Variants in ARAP2 observed in about 807,000 individuals in gnomAD.
The protein encoded by ARAP2 is ArfGAP with RhoGAP domain, ankyrin repeat and PH domain 2.
ARAP2 carries 148 observed loss-of-function variants against 194.5 expected under a neutral mutation model. The observed-to-expected ratio is 0.76, with a 90% CI of 0.67 to 0.87. ARAP2 has a LOEUF of 0.87. ARAP2 is among the 40% of genes least tolerant of loss of function. The pLI is 0.00. For missense variants in ARAP2, 2,128 were observed against 1,989.7 expected (o/e 1.07, Z -1.32); for synonymous variants, 695 against 683.5 (o/e 1.02, Z -0.26).
chr4:36,147,737 G>A lies in ARAP2; in HGVS notation c.3010C>T (p.Pro1004Ser), dbSNP rs780988048. 6.2e-7 allele frequency: 1 copy of A among 1,602,546 alleles called. No homozygotes were observed. Among genetic ancestry groups the A allele is most frequent in the Admixed American group, 1.7e-5 (1 of 57,728 alleles). Residue 1004 changes from proline to serine, a missense_variant, in exon 18 of 33, where the codon CCC (proline) becomes TCC (serine). Pro to Ser is a moderately conservative substitution (Grantham distance 74). Transcript: ENST00000303965. The part of the protein sequence containing the change: ...WTEAIAKHFV[P>S]LFAENLTEAD... ...TCTGTTAAGTTTTCAGCAAATAAGG[G>A]AACAAAATGCTGTTAAAACAAATAC...
chr4:36,130,050 G>A (rs926107681), intron 20 of ARAP2, among the ~76,000 whole-genome samples: 2 of 151,464 alleles, frequency 1.3e-5, no homozygotes, highest in Non-Finnish European at 2.9e-5. Context: ...AACAAAAAAT[G>A]CAGTACTGCA....
chr4:36,229,118 A>C lies in ARAP2; in HGVS notation c.369T>G (p.Val123=), dbSNP rs761336102. 1.9e-6 allele frequency: 3 copies of C among 1,613,872 alleles called. No homozygotes were observed. The highest frequency in any genetic ancestry group is 2.5e-6 in the Non-Finnish European group (3 of 1,179,986). The part of the protein sequence containing the change: ...QTSSPPQLET[V]RKNLEDSDAS... ...CATCACTGTCTTCAAGATTTTTTCT[A>C]ACAGTCTCCAACTGCGGTGGGCTAG... is the stretch of plus-strand genomic sequence containing the variant. The change falls in exon 2 of 33, where the codon GTT becomes GTG. Residue 123 remains valine (V), a synonymous_variant. Coordinates refer to ENST00000303965, the MANE Select transcript of ARAP2 (RefSeq NM_015230.4).
intron 9 of ARAP2, among the ~76,000 whole-genome samples, chr4:36,170,145 C>CCTAA (rs1363273822): frequency 6.6e-6 from 1 of 152,134 alleles, no homozygotes. Context: ...GGGGGCAGAA[C>CCTAA]CTAAGAATTT....
intron 1 of ARAP2, among the ~76,000 whole-genome samples, chr4:36,239,884 T>G (rs1753186302): frequency 6.6e-6 from 1 of 152,158 alleles, no homozygotes; most frequent in South Asian, 2.1e-4. Flanking sequence ...TTTCTCTCCT[T>G]TGGGAGCCAA....
intron 32 of ARAP2, 114 bp downstream of exon 32, chr4:36,073,575 A>G: frequency 8.3e-7 from 1 of 1,202,916 alleles, no homozygotes; most frequent in Non-Finnish European, 1.2e-6. Context: ...TGCTTTACAA[A>G]GTGATTATTA....
intron 2 of ARAP2, among the ~76,000 whole-genome samples, chr4:36,226,028 A>C (rs1338964558): frequency 1.3e-5 from 2 of 152,188 alleles, no homozygotes; most frequent in Admixed American, 6.5e-5. Flanking sequence ...AAAAACAAAC[A>C]GTGAAGTCTG....
chr4:36,152,651 C>T (rs1344095772), intron 15 of ARAP2, among the ~76,000 whole-genome samples: 2 of 142,680 alleles, frequency 1.4e-5, no homozygotes, highest in East Asian at 2.1e-4. Context: ...AGGAGGTAAG[C>T]CCCCCCACCA....
At chr4:36,160,708 C>T (rs1733704477) in intron 12 of ARAP2, 67 bp from the exon 13 acceptor site, 3 of 1,223,972 alleles carry the variant, frequency 2.5e-6, no homozygotes, top group Non-Finnish European at 3.2e-6. Flanking sequence ...CTGCAGGAAA[C>T]TGAATTATAT....
At chr4:36,058,988 T>C (rs1723972528) in intron 1 of ARAP2, among the ~76,000 whole-genome samples, 1 of 152,102 alleles carries the variant, frequency 6.6e-6, no homozygotes, top group African/African-American at 2.4e-5. Context: ...TGTGTATGTC[T>C]GGAAAGAGTG....
intron 24 of ARAP2, among the ~76,000 whole-genome samples, chr4:36,117,748 T>C (rs2109523720): frequency 6.6e-6 from 1 of 151,732 alleles, no homozygotes; most frequent in Admixed American, 6.6e-5. Flanking sequence ...AAGAAGTTTT[T>C]AATTATCTTT....
In ARAP2 at chr4:36,229,143, G is replaced by C. The variant is rs754203280; in HGVS notation, c.344C>G (p.Ser115Cys). 6.2e-7 allele frequency: 1 copy of C among 1,614,100 alleles called. No individual in the cohort carries two copies. The highest frequency in any genetic ancestry group is 8.5e-7 in the Non-Finnish European group (1 of 1,180,012). The change falls in exon 2 of 33, where the codon TCT becomes TGT. Residue 115 changes from serine to cysteine, a missense_variant. By Grantham distance (112) the Ser-to-Cys change is moderately radical. Coordinates refer to ENST00000303965, the MANE Select transcript of ARAP2 (RefSeq NM_015230.4). Reference protein sequence around the residue: ...ELSNSGSVQTSSPPQLETVRK... With the variant: ...ELSNSGSVQTCSPPQLETVRK... Reference sequence around the variant, plus strand: ...AACAGTCTCCAACTGCGGTGGGCTAGATGTCTGAACACTACCAGAATTGGA... The same window carrying C: ...AACAGTCTCCAACTGCGGTGGGCTACATGTCTGAACACTACCAGAATTGGA...
rs183344829 is a variant in ARAP2, at chr4:36,154,587, A to C, written c.2753-3543T>G. On this transcript the variant is annotated intron_variant, in intron 15 of 32. Transcript: ENST00000303965. ...TACTTAGGTTCAACAAAAGCAATCC[A>C]TCTTTCTTTTCATGAACACTAAATT... Among the ~76,000 whole-genome samples the C allele has an allele frequency of 1.5e-4, 23 of 152,322 alleles. No homozygotes were observed. The East Asian group carries it at 4.2e-3, about 28-fold the overall frequency.
At position 36,196,345 on chromosome 4, in the gene ARAP2, G is replaced by T. The variant is rs569571105; in HGVS notation, c.1488-2698C>A. ...GGCCGATAGCTTACTCATGTGTTAG[G>T]CTTAAGGATCAGTCGAAGATGCAGC... On this transcript the variant is annotated intron_variant, in intron 6 of 32. Coordinates refer to ENST00000303965, the MANE Select transcript of ARAP2 (RefSeq NM_015230.4). Among the ~76,000 whole-genome samples, 8 of 152,160 alleles carry T rather than the reference G, an allele frequency of 5.3e-5. No homozygotes were observed. The East Asian group carries it at 1.5e-3, about 29-fold the overall frequency.
intron 9 of ARAP2, among the ~76,000 whole-genome samples, chr4:36,173,001 G>C (rs1272585841): frequency 6.6e-6 from 1 of 152,118 alleles, no homozygotes. Context: ...ATTATGTTGG[G>C]GGGGAATGAG....
chr4:36,126,899 A>G (rs1054247141), intron 21 of ARAP2, among the ~76,000 whole-genome samples: 1 of 152,022 alleles, frequency 6.6e-6, no homozygotes. Context: ...GTACAGTGGC[A>G]CCATCACAAC....
chr4:36,221,706 C>T (rs900171039), intron 2 of ARAP2, among the ~76,000 whole-genome samples: 2 of 152,060 alleles, frequency 1.3e-5, no homozygotes, highest in Non-Finnish European at 2.9e-5. Context: ...AGATGAACTG[C>T]TGGAGATGAA....
chr4:36,102,304 A>G (rs188233523), intron 27 of ARAP2, among the ~76,000 whole-genome samples: 109 of 152,104 alleles, frequency 7.2e-4, no homozygotes, highest in African/African-American at 2.5e-3. Context: ...CCCAGGAGTT[A>G]TCCAAACCAA....
chr4:36,204,814 C>T (rs1318737112), intron 6 of ARAP2, among the ~76,000 whole-genome samples: 4 of 151,188 alleles, frequency 2.6e-5, no homozygotes, highest in Non-Finnish European at 1.5e-5. Flanking sequence ...GATGGTGAAA[C>T]CCCGTCTCTA....
rs1228909403 is a variant in ARAP2 at position 36,066,802 on chromosome 4, A to G, written c.*1105T>C. On this transcript the variant is annotated 3_prime_UTR_variant, in exon 33 of 33. Coordinates refer to ENST00000303965, the MANE Select transcript of ARAP2 (RefSeq NM_015230.4). ...CCACACCTTTACTTAAAAAAAGAAA[A>G]AAAAACCTAGATTAAATGTGACCAG... 2 of 152,140 alleles carry G rather than the reference A, an allele frequency of 1.3e-5. No individual in the cohort carries two copies. Among genetic ancestry groups the G allele is most frequent in the South Asian group, 4.1e-4 (2 of 4,826 alleles). 9.4% of individuals were successfully genotyped at this position (152,140 alleles called of 1,614,324 possible). A position where few individuals can be genotyped will look rare whatever the true frequency, so the allele number is the denominator to read the frequency against.
Sources: allele counts gnomAD v4.1 joint callset (sites outside exome capture counted in the v4.1 genomes callset), GRCh38; gene constraint gnomAD v4.1.1; transcripts MANE v1.5; gene names NCBI Gene and HGNC (gene_info 2026-07-23, HGNC 2026-07-21).